Variants in TP53BP1 observed in about 807,000 individuals in gnomAD.
TP53BP1 encodes tumor protein p53 binding protein 1, also known as TP53-binding protein 1.
TP53BP1 carries 61 observed loss-of-function variants against 200.8 expected under a neutral mutation model. That is an observed-to-expected ratio of 0.30 (90% confidence interval 0.25 to 0.38). The LOEUF is 0.38. TP53BP1 is among the 10% of genes least tolerant of loss of function. TP53BP1 has a pLI of 1.00. For missense variants in TP53BP1, 2,144 were observed against 2,371.9 expected (o/e 0.90, Z 2.00); for synonymous variants, 822 against 844.3 (o/e 0.97, Z 0.46).
At chr15:43,442,529 A>G (rs908629085) in intron 14 of TP53BP1, among the ~76,000 whole-genome samples, 1 of 151,040 alleles carries the variant, frequency 6.6e-6, no homozygotes, top group Non-Finnish European at 1.5e-5. Context: ...ACAGAGTCTT[A>G]CTCCGTTGCC....
chr15:43,418,655 T>A (rs1234715915), intron 21 of TP53BP1, among the ~76,000 whole-genome samples: 1 of 152,152 alleles, frequency 6.6e-6, no homozygotes, highest in African/African-American at 2.4e-5. Context: ...GACAATATAT[T>A]CAAAGAACTA....
intron 11 of TP53BP1, among the ~76,000 whole-genome samples, chr15:43,457,773 T>C (rs2046336727): frequency 6.7e-6 from 1 of 150,030 alleles, no homozygotes; most frequent in African/African-American, 2.4e-5. Flanking sequence ...TATCCCAGCA[T>C]TTTGGGAGGC....
At chr15:43,504,003 G>A (rs566610590) in intron 1 of TP53BP1, among the ~76,000 whole-genome samples, 10 of 152,190 alleles carry the variant, frequency 6.6e-5, no homozygotes, top group Admixed American at 5.2e-4. Flanking sequence ...CATACGGGAG[G>A]GCCAGGAATG....
intron 11 of TP53BP1, among the ~76,000 whole-genome samples, chr15:43,468,585 T>G (rs2046645036): frequency 6.6e-6 from 1 of 151,580 alleles, no homozygotes; most frequent in African/African-American, 2.4e-5. Flanking sequence ...TGATGTATGG[T>G]TCGAACATCC....
chr15:43,444,181 A>C (rs1442635780), intron 14 of TP53BP1, among the ~76,000 whole-genome samples: 4 of 152,248 alleles, frequency 2.6e-5, no homozygotes, highest in Admixed American at 6.5e-5. Context: ...TACTGATATA[A>C]CCATCCTTAA....
Position 43,432,139 on chromosome 15 carries a change from A to G in TP53BP1, c.3675+55T>C, listed in dbSNP as rs951953748. The G allele has an allele frequency of 1.4e-5, 22 of 1,557,440 alleles. No individual in the cohort carries two copies. In the African/African-American group the frequency reaches 3.0e-4, roughly 21 times the overall value. ...GACATGCCACAACTTAAATTCTCTG[A>G]GAATCCTGAAAGTTAAAAACAAGGC... is the stretch of plus-strand genomic sequence containing the variant. On this transcript the variant is annotated intron_variant, in intron 17 of 27. Transcript: ENST00000382044.
chr15:43,433,376 C>T (rs2045715686), intron 16 of TP53BP1, among the ~76,000 whole-genome samples: 1 of 152,128 alleles, frequency 6.6e-6, no homozygotes, highest in South Asian at 2.1e-4. Context: ...ATGTCTCCTA[C>T]AAACCACATA....
chr15:43,471,142 T>C (rs77828602), intron 10 of TP53BP1, among the ~76,000 whole-genome samples: 2 of 152,116 alleles, frequency 1.3e-5, no homozygotes, highest in East Asian at 3.8e-4. Flanking sequence ...AAAGCACATA[T>C]AGTTTCACAA....
intron 1 of TP53BP1, among the ~76,000 whole-genome samples, chr15:43,500,103 C>A (rs1421967663): frequency 6.6e-6 from 1 of 152,172 alleles, no homozygotes; most frequent in Non-Finnish European, 1.5e-5. Context: ...TGACCCACAC[C>A]TCTCTCCCAA....
chr15:43,413,177 C>A lies in TP53BP1; in HGVS notation c.5247G>T (p.Lys1749Asn), dbSNP rs1328724927. 2 of 1,614,218 alleles carry A rather than the reference C, an allele frequency of 1.2e-6. No homozygotes were observed. Among genetic ancestry groups the A allele is most frequent in the Non-Finnish European group, 1.7e-6 (2 of 1,180,038 alleles). ...FLLTMATTSD[K>N]LASRSKLPDG... ...CTGGCAGTTTGGAGCGGCTGGCCAA[C>A]TTGTCACTGGTTGTGGCCATGGTAA... is the stretch of plus-strand genomic sequence containing the variant. Residue 1749 changes from lysine (K) to asparagine (N), a missense_variant, in exon 24 of 28, where the codon AAG becomes AAT. By Grantham distance (94) the Lys-to-Asn change is moderately conservative. Transcript: ENST00000382044.
chr15:43,415,635 G>T lies in TP53BP1; in HGVS notation c.5048C>A (p.Ser1683Tyr), dbSNP rs1595525177. The change falls in exon 23 of 28, where the codon TCC (serine) becomes TAC (tyrosine). Residue 1683 changes from serine (S) to tyrosine (Y), a missense_variant. This residue lies in a region of TP53BP1 where 334 missense variants were observed against 453.4 expected (regional missense o/e 0.74). Coordinates refer to ENST00000382044, the MANE Select transcript of TP53BP1 (RefSeq NM_001141980.3). ...RKLITSEEER[S>Y]PAKRGRKSAT... Reference sequence around the variant, plus strand: ...AGACTTGCGACCTCGCTTGGCAGGGGACCGTTCCTCTTCAGAAGTGATAAG... The same window carrying T: ...AGACTTGCGACCTCGCTTGGCAGGGTACCGTTCCTCTTCAGAAGTGATAAG... 1 of 1,614,206 alleles carries T rather than the reference G, an allele frequency of 6.2e-7. No individual in the cohort carries two copies. The highest frequency in any genetic ancestry group is 1.3e-5 in the African/African-American group (1 of 75,048).
intron 23 of TP53BP1, chr15:43,414,071 A>G (rs773685350): frequency 2.2e-6 from 1 of 464,792 alleles, no homozygotes; most frequent in South Asian, 1.6e-5. Flanking sequence ...GCTGAATCGT[A>G]GGTTCATTAG....
At position 43,447,369 on chromosome 15, in the gene TP53BP1, T is replaced by C. The variant is rs1463427194; in HGVS notation, c.2833A>G (p.Ile945Val). 3 of 1,598,142 alleles carry C rather than the reference T, an allele frequency of 1.9e-6. No homozygotes were observed. Among genetic ancestry groups the C allele is most frequent in the East Asian group, 2.2e-5 (1 of 44,586 alleles). Residue 945 changes from isoleucine to valine, a missense_variant, in exon 13 of 28, where the codon ATT (isoleucine) becomes GTT (valine). Ile to Val is a conservative substitution (Grantham distance 29). Transcript: ENST00000382044. ...TCATTACTTTTTATTCACTCACCAA[T>C]AGGAGTACTGTGTCTCTTGGGCTCC... ...KLEPKRHSTP[I>V]GISNYPESTI... is the part of the protein sequence containing the mutation.
intron 15 of TP53BP1, among the ~76,000 whole-genome samples, chr15:43,440,454 G>T (rs905682514): frequency 6.6e-6 from 1 of 151,542 alleles, no homozygotes; most frequent in South Asian, 2.1e-4. Context: ...GGCGGAGCTT[G>T]CAGTGAGCGG....
intron 16 of TP53BP1, among the ~76,000 whole-genome samples, chr15:43,435,964 G>A (rs966802797): frequency 6.6e-6 from 1 of 151,846 alleles, no homozygotes; most frequent in African/African-American, 2.4e-5. Flanking sequence ...TCAAAGTGCT[G>A]GGATTACAGG....
intron 18 of TP53BP1, among the ~76,000 whole-genome samples, chr15:43,426,672 C>T (rs978426765): frequency 7.2e-5 from 11 of 151,812 alleles, no homozygotes; most frequent in African/African-American, 1.7e-4. Flanking sequence ...ACCTCCTACA[C>T]GGCCAGCAGA....
Position 43,492,450 on chromosome 15 carries a change from G to C in TP53BP1, c.26C>G (p.Thr9Ser). ...GAAATCTGAATCCAACTGACTTCCA[G>C]TAGGGTCCATCTGCTCCCCTGGAAT... MPGEQMDP[T>S]GSQLDSDFSQ... The change falls in exon 2 of 28, where the codon ACT (threonine) becomes AGT (serine). Residue 9 changes from threonine (T) to serine (S), a missense_variant. Transcript: ENST00000382044. The C allele has an allele frequency of 6.2e-7, 1 of 1,613,936 alleles. No homozygotes were observed. Among genetic ancestry groups the C allele is most frequent in the Non-Finnish European group, 8.5e-7 (1 of 1,179,908 alleles).
Position 43,405,901 on chromosome 15 carries a change from G to A in TP53BP1, c.*1482C>T, listed in dbSNP as rs1467091412. On this transcript the variant is annotated 3_prime_UTR_variant, in exon 28 of 28. Transcript: ENST00000382044. Reference sequence around the variant, plus strand: ...CTAAAAATACAAAAATTAGCCAGGTGTGGTGGCATGTGCCTGTAATCCCAG... The same window carrying A: ...CTAAAAATACAAAAATTAGCCAGGTATGGTGGCATGTGCCTGTAATCCCAG... The A allele has an allele frequency of 6.6e-6, 1 of 152,120 alleles. No individual in the cohort carries two copies. The highest frequency in any genetic ancestry group is 6.6e-5 in the Admixed American group (1 of 15,248). 9.4% of individuals were successfully genotyped at this position (152,120 alleles called of 1,614,324 possible).
At chr15:43,431,582 TC>T (rs1476865902) in intron 17 of TP53BP1, among the ~76,000 whole-genome samples, 3 of 152,116 alleles carry the variant, frequency 2.0e-5, no homozygotes, top group Non-Finnish European at 4.4e-5. Flanking sequence ...ACTTCCCTAC[TC>T]TATTCCCTGG....
Sources: allele counts gnomAD v4.1 joint callset (sites outside exome capture counted in the v4.1 genomes callset), GRCh38; gene constraint gnomAD v4.1.1; regional missense constraint gnomAD v4.1.1; transcripts MANE v1.5; gene names NCBI Gene and HGNC (gene_info 2026-07-23, HGNC 2026-07-21).